DCAF4: variants seen among roughly 807,000 people sequenced by gnomAD.
DCAF4 encodes the protein DDB1- and CUL4-associated factor 4.
In DCAF4, 37 loss-of-function variants were observed where a neutral mutation model predicts 60.9. The ratio of observed to expected loss-of-function variants is 0.61; its 90% CI spans 0.47 to 0.80. The LOEUF (loss-of-function observed/expected upper bound fraction) is 0.80, where lower values mean the gene tolerates loss of function less well. Among genes scored for constraint, DCAF4 ranks in the 30% least tolerant of loss-of-function variants. The probability of loss-of-function intolerance (pLI) is 0.00; values close to 1 mark genes in which losing one functional copy is unlikely to be tolerated. For synonymous variants in DCAF4, 243 were observed against 254.8 expected (o/e 0.95, Z 0.44); for missense variants, 577 against 650.0 (o/e 0.89, Z 1.22).
chr14:72,931,988 CTTTT>C (rs146250601), intron 1 of DCAF4, among the ~76,000 whole-genome samples: 3 of 116,964 alleles, frequency 2.6e-5, no homozygotes, highest in East Asian at 2.2e-4. Flanking sequence ...ATTTTTCCTT[CTTTT>C]TTTTTTTTTT....
chr14:72,929,802 A>G, intron 1 of DCAF4: 1 of 1,133,846 alleles, frequency 8.8e-7, no homozygotes, highest in South Asian at 1.2e-5. Flanking sequence ...CTCCCGGATC[A>G]TGTCCCGCTA....
At chr14:72,949,336 G>C (rs1419098888) in intron 8 of DCAF4, among the ~76,000 whole-genome samples, 2 of 152,142 alleles carry the variant, frequency 1.3e-5, no homozygotes, top group Non-Finnish European at 2.9e-5. Context: ...CATGCCTTTA[G>C]TTCCAGGTAC....
At position 72,955,661 on chromosome 14, in the gene DCAF4, G is replaced by T; in HGVS notation, c.1144G>T (p.Glu382Ter). The T allele has an allele frequency of 6.2e-7, 1 of 1,614,092 alleles. No individual in the cohort carries two copies. Among genetic ancestry groups the T allele is most frequent in the Non-Finnish European group, 8.5e-7 (1 of 1,180,012 alleles). ...AVTSVRILQD[E>*]QYLMASDMAG... is the part of the protein sequence containing the mutation. The stretch of plus-strand genomic sequence containing the variant: ...GACCTCTGTGCGGATCCTCCAAGAT[G>T]AGCAATACCTGATGGCTTCAGACAT... The change falls in exon 12 of 14, where the codon GAG (glutamate) becomes TAG (stop). Residue 382 changes from glutamate to a stop codon, truncating the protein, a stop_gained. Transcript: ENST00000358377. LOFTEE classifies it high-confidence loss of function.
At chr14:72,956,903 T>C (rs1032616991) in intron 13 of DCAF4, 7 of 234,726 alleles carry the variant, frequency 3.0e-5, no homozygotes, top group African/African-American at 1.4e-4. Context: ...GAAAAGAAGT[T>C]ATGGTCATTG....
At chr14:72,959,806 A>G (rs1853132634), downstream of DCAF4, 4 of 347,300 alleles carry the variant, frequency 1.2e-5, no homozygotes, top group South Asian at 3.4e-4. Context: ...TGCATGCCCA[A>G]AAGACTCACC....
downstream of DCAF4, chr14:72,960,480 C>G (rs1334098108): frequency 3.7e-6 from 1 of 268,988 alleles, no homozygotes; most frequent in African/African-American, 2.3e-5. Flanking sequence ...TCCGTCCGCC[C>G]CAGTTATCTA....
In DCAF4 at chr14:72,958,871, G is replaced by C. The variant is rs2140324706; in HGVS notation, c.*66G>C. ...CGGGAGTAAAGCGTAACTTTTTACTGCATCTAATGAGGGTGTTTTAAGTGA... is the reference window on the plus strand; with the variant it reads ...CGGGAGTAAAGCGTAACTTTTTACTCCATCTAATGAGGGTGTTTTAAGTGA... On this transcript the variant is annotated 3_prime_UTR_variant, in exon 14 of 14. Coordinates refer to ENST00000358377, the MANE Select transcript of DCAF4 (RefSeq NM_015604.4). 1 of 1,506,118 alleles carries C rather than the reference G, an allele frequency of 6.6e-7. No individual in the cohort carries two copies. Among genetic ancestry groups the C allele is most frequent in the East Asian group, 2.3e-5 (1 of 43,644 alleles). The allele number at this position is 1,506,118 out of a possible 1,614,324, so 93.3% of individuals were successfully genotyped here.
At chr14:72,948,059 A>G (rs1890969307) in intron 8 of DCAF4, among the ~76,000 whole-genome samples, 1 of 152,242 alleles carries the variant, frequency 6.6e-6, no homozygotes, top group Middle Eastern at 3.2e-3. Flanking sequence ...GATTAACATT[A>G]GTTAACTCCT....
intron 9 of DCAF4, among the ~76,000 whole-genome samples, chr14:72,953,768 A>ATATATATAG (rs1567325444): frequency 5.0e-5 from 1 of 20,044 alleles, no homozygotes; most frequent in African/African-American, 1.4e-4. Flanking sequence ...TATATAGTTT[A>ATATATATAG]TTTATTTATT....
chr14:72,947,041 G>T, intron 7 of DCAF4, 101 bp from the exon 8 acceptor site: 1 of 1,468,980 alleles, frequency 6.8e-7, no homozygotes, highest in South Asian at 1.1e-5. Context: ...GGAGCAGGAC[G>T]TGAAGAGAGA....
chr14:72,940,472 A>T, intron 4 of DCAF4, 95 bp downstream of exon 4: 1 of 1,350,364 alleles, frequency 7.4e-7, no homozygotes, highest in Admixed American at 3.0e-5. Flanking sequence ...TGCCCCTGCG[A>T]CACTTAGCAG....
intron 5 of DCAF4, 161 bp from the exon 6 acceptor site, chr14:72,942,833 G>A (rs1752223062): frequency 6.4e-6 from 4 of 625,366 alleles, no homozygotes; most frequent in Admixed American, 6.1e-5. Context: ...ACTCAAATTC[G>A]GATAATCTGG....
At chr14:72,926,849 A>C (rs1079560) in intron 1 of DCAF4, 143,823 of 152,686 alleles carry the variant, frequency 0.94, 67,793 homozygotes, top group East Asian at 1. Context: ...CTTCTCTGAG[A>C]CCTGCTGCTG....
chr14:72,940,800 A>C (rs908766426), intron 4 of DCAF4, among the ~76,000 whole-genome samples: 1 of 151,278 alleles, frequency 6.6e-6, no homozygotes, highest in Non-Finnish European at 1.5e-5. Context: ...CATGTTGGCC[A>C]GGTTGGTCTT....
intron 4 of DCAF4, among the ~76,000 whole-genome samples, chr14:72,941,464 A>G (rs1890031629): frequency 6.6e-6 from 1 of 152,116 alleles, no homozygotes; most frequent in South Asian, 2.1e-4. Context: ...CCATTGCTGC[A>G]CTCACGCACC....
At chr14:72,938,459 T>G (rs988787283) in intron 2 of DCAF4, among the ~76,000 whole-genome samples, 1 of 152,230 alleles carries the variant, frequency 6.6e-6, no homozygotes, top group Non-Finnish European at 1.5e-5. Flanking sequence ...TAATTCAGCC[T>G]AAGTCTCGGA....
chr14:72,961,543 G>A (rs949148713), downstream of DCAF4, among the ~76,000 whole-genome samples: 6 of 152,164 alleles, frequency 3.9e-5, no homozygotes, highest in Non-Finnish European at 1.5e-5. Flanking sequence ...TTTCTCGTGG[G>A]AGAAAGGCAA....
intron 3 of DCAF4, 150 bp from the exon 4 acceptor site, chr14:72,940,070 C>A: frequency 8.2e-7 from 1 of 1,222,522 alleles, no homozygotes. Flanking sequence ...GGACTGAGCA[C>A]AGTCCAGGAT....
intron 1 of DCAF4, among the ~76,000 whole-genome samples, chr14:72,937,708 C>T (rs1594748086): frequency 6.6e-6 from 1 of 152,116 alleles, no homozygotes; most frequent in Non-Finnish European, 1.5e-5. Flanking sequence ...CATGAGCCAC[C>T]GCGCCTGGCC....
Sources: allele counts gnomAD v4.1 joint callset (sites outside exome capture counted in the v4.1 genomes callset), GRCh38; gene constraint gnomAD v4.1.1; transcripts MANE v1.5; gene names NCBI Gene and HGNC (gene_info 2026-07-23, HGNC 2026-07-21).